The following SUSD3 variants were observed in gnomAD, a reference collection of about 807,000 sequenced individuals.
The protein encoded by SUSD3 is sushi domain-containing protein 3.
In SUSD3, 18 loss-of-function variants were observed where a neutral mutation model predicts 20.6. The ratio of observed to expected loss-of-function variants is 0.87; its 90% confidence interval spans 0.60 to 1.30. The LOEUF is 1.30. Ranked by LOEUF, SUSD3 falls within the 50% of genes most tolerant of loss-of-function variation. The pLI, the probability that SUSD3 is intolerant of heterozygous loss-of-function variation, is 0.00. For missense variants in SUSD3, 306 were observed against 346.9 expected (o/e 0.88, Z 0.94); for synonymous variants, 137 against 141.5 (o/e 0.97, Z 0.23).
chr9:93,075,434 T>TTG (rs1332174750), intron 1 of SUSD3, among the ~76,000 whole-genome samples: 3 of 144,302 alleles, frequency 2.1e-5, no homozygotes, highest in Non-Finnish European at 3.0e-5. Flanking sequence ...TTTTTTTTTT[T>TTG]GTTCTGATTT....
intron 1 of SUSD3, among the ~76,000 whole-genome samples, chr9:93,073,139 G>C (rs1232398690): frequency 6.6e-6 from 1 of 152,188 alleles, no homozygotes; most frequent in African/African-American, 2.4e-5. Flanking sequence ...CCTGTGCCGA[G>C]GGAGACAGGC....
At chr9:93,065,463 A>C (rs554441680) in intron 1 of SUSD3, among the ~76,000 whole-genome samples, 70 of 152,142 alleles carry the variant, frequency 4.6e-4, no homozygotes, top group African/African-American at 1.6e-3. Flanking sequence ...GCCAACGGCT[A>C]CTCCCAAACC....
At position 93,065,948 on chromosome 9, in the gene SUSD3, T is replaced by A. The variant is rs1234832760; in HGVS notation, c.88+7118T>A. Among the ~76,000 whole-genome samples, 3 of 152,070 alleles carry A rather than the reference T, an allele frequency of 2.0e-5. No homozygotes were observed. In the East Asian group the frequency reaches 5.8e-4, roughly 29 times the overall value. On this transcript the variant is annotated intron_variant, in intron 1 of 4. Coordinates refer to ENST00000375472, the MANE Select transcript of SUSD3 (RefSeq NM_145006.4). ...AAGGCCAGCGAGAGTCAGCCCAGGG[T>A]TATAGGAAATAGCCCAGGCCAGGGG...
intron 1 of SUSD3, among the ~76,000 whole-genome samples, chr9:93,068,775 A>C (rs1288377492): frequency 1.3e-5 from 2 of 152,220 alleles, no homozygotes; most frequent in South Asian, 2.1e-4. Flanking sequence ...GATTCAATGA[A>C]TACAGTAGAT....
At chr9:93,059,220 G>T (rs74771220) in intron 1 of SUSD3, among the ~76,000 whole-genome samples, 1 of 152,094 alleles carries the variant, frequency 6.6e-6, no homozygotes, top group Non-Finnish European at 1.5e-5. Context: ...GGGGCGGGAG[G>T]GGGGAGCCGG....
chr9:93,077,815 G>C (rs779155410), intron 2 of SUSD3, 31 bp from the exon 3 acceptor site: 2 of 1,613,082 alleles, frequency 1.2e-6, no homozygotes, highest in East Asian at 2.2e-5. Flanking sequence ...GGCAAACCTC[G>C]CCCAGGAGCT....
intron 1 of SUSD3, among the ~76,000 whole-genome samples, chr9:93,062,297 G>A (rs1248626648): frequency 6.6e-6 from 1 of 152,244 alleles, no homozygotes; most frequent in African/African-American, 2.4e-5. Context: ...AGGGCCTCGT[G>A]TGTTTTTATT....
rs1433822546 is a variant in SUSD3, at chr9:93,075,987, C to G, written c.277+15C>G. 1 of 1,571,696 alleles carries G rather than the reference C, an allele frequency of 6.4e-7. No homozygotes were observed. Among genetic ancestry groups the G allele is most frequent in the Admixed American group, 1.8e-5 (1 of 57,044 alleles). Reference sequence around the variant, plus strand: ...AGTGTGCAAACGTAAGGACCCCTCTCTCAGCTCGGTGGCTCTGGGGGTGGG... The same window carrying G: ...AGTGTGCAAACGTAAGGACCCCTCTGTCAGCTCGGTGGCTCTGGGGGTGGG... On this transcript the variant is annotated intron_variant, in intron 2 of 4. Coordinates refer to ENST00000375472, the MANE Select transcript of SUSD3 (RefSeq NM_145006.4).
chr9:93,075,916 C>T lies in SUSD3; in HGVS notation c.221C>T (p.Thr74Ile). The change falls in exon 2 of 5, where the codon ACC becomes ATC. Residue 74 changes from threonine to isoleucine, a missense_variant. Physicochemically the swap from Thr to Ile is moderately conservative, Grantham distance 89 (BLOSUM62 -1). Coordinates refer to ENST00000375472, the MANE Select transcript of SUSD3 (RefSeq NM_145006.4). ...NHQMVGSGLL[T>I]CTWKGSIAEW... Reference sequence around the variant, plus strand: ...CAGATGGTGGGGTCTGGGCTCCTCACCTGCACCTGGAAGGGGAGCATCGCT... The same window carrying T: ...CAGATGGTGGGGTCTGGGCTCCTCATCTGCACCTGGAAGGGGAGCATCGCT... 6.2e-7 allele frequency: 1 copy of T among 1,613,696 alleles called. No homozygotes were observed.
At chr9:93,081,239 C>T (rs911060703) in intron 4 of SUSD3, among the ~76,000 whole-genome samples, 1 of 152,200 alleles carries the variant, frequency 6.6e-6, no homozygotes, top group African/African-American at 2.4e-5. Flanking sequence ...GGCCACTGCT[C>T]TGGGAGCCCT....
intron 4 of SUSD3, among the ~76,000 whole-genome samples, chr9:93,081,293 C>T (rs923927982): frequency 6.6e-6 from 1 of 152,128 alleles, no homozygotes; most frequent in Non-Finnish European, 1.5e-5. Context: ...GGGGTCTGGG[C>T]GGGCATCCAG....
chr9:93,079,908 A>T (rs1826339408), intron 4 of SUSD3, among the ~76,000 whole-genome samples: 2 of 152,186 alleles, frequency 1.3e-5, no homozygotes, highest in African/African-American at 2.4e-5. Context: ...AGGGCTCTGC[A>T]CTGAGCTGCA....
intron 3 of SUSD3, among the ~76,000 whole-genome samples, chr9:93,078,260 T>C (rs116001703): frequency 0.021 from 3,130 of 152,282 alleles, 124 homozygotes; most frequent in African/African-American, 0.071. Flanking sequence ...ATTATTTTAT[T>C]TATTTATTTT....
At chr9:93,062,968 A>G (rs1447090774) in intron 1 of SUSD3, among the ~76,000 whole-genome samples, 1 of 152,134 alleles carries the variant, frequency 6.6e-6, no homozygotes, top group Non-Finnish European at 1.5e-5. Context: ...AATCCTATGG[A>G]AAGGGCTACC....
intron 4 of SUSD3, among the ~76,000 whole-genome samples, chr9:93,081,786 A>G (rs1826424906): frequency 2.0e-5 from 3 of 152,176 alleles, no homozygotes; most frequent in Admixed American, 2.0e-4. Flanking sequence ...CCAGGTCACC[A>G]TGGTGGTCTG....
At chr9:93,068,247 T>G (rs1269930133) in intron 1 of SUSD3, among the ~76,000 whole-genome samples, 1 of 152,234 alleles carries the variant, frequency 6.6e-6, no homozygotes, top group Non-Finnish European at 1.5e-5. Flanking sequence ...GGTGTTTGTC[T>G]TTGGTGTTAG....
intron 1 of SUSD3, chr9:93,069,264 CT>C: frequency 3.2e-6 from 2 of 633,672 alleles, no homozygotes; most frequent in South Asian, 1.8e-5. Flanking sequence ...ATCAGACCCC[CT>C]GATACTGCAG....
chr9:93,083,778 G>T (rs1587925900), intron 4 of SUSD3, among the ~76,000 whole-genome samples: 1 of 152,154 alleles, frequency 6.6e-6, no homozygotes, highest in East Asian at 1.9e-4. Flanking sequence ...CTACTTACTA[G>T]AGTTTTTCTG....
At chr9:93,070,915 T>G (rs1379946360) in intron 1 of SUSD3, among the ~76,000 whole-genome samples, 1 of 152,174 alleles carries the variant, frequency 6.6e-6, no homozygotes, top group African/African-American at 2.4e-5. Flanking sequence ...CTACTTTTGT[T>G]ATTGTCACCT....
Sources: allele counts gnomAD v4.1 joint callset (sites outside exome capture counted in the v4.1 genomes callset), GRCh38; gene constraint gnomAD v4.1.1; transcripts MANE v1.5; gene names NCBI Gene and HGNC (gene_info 2026-07-23, HGNC 2026-07-21).